DST: variants seen among roughly 807,000 people sequenced by gnomAD.
DST encodes dystonin, also known as bullous pemphigoid antigen.
A neutral mutation model predicts 875.2 loss-of-function variants in DST; 253 were observed. That is an observed-to-expected ratio of 0.29 (90% CI 0.26 to 0.32). DST has a LOEUF of 0.32. Among genes scored for constraint, DST ranks in the 10% least tolerant of loss-of-function variants. DST has a pLI of 1.00. For missense variants in DST, 8,287 were observed against 9,111.6 expected (o/e 0.91, Z 3.68); for synonymous variants, 3,124 against 3,197.1 (o/e 0.98, Z 0.77).
Position 56,555,693 on chromosome 6 carries a change from T to C in DST, c.14788A>G (p.Ser4930Gly). The part of the protein sequence containing the change: ...QLAAVTQKWD[S>G]LTGQLSDRCD... Reference sequence around the variant, plus strand: ...CTGTCACTCAATTGCCCTGTTAGGCTATCCCATTTTTGGGTCACAGCTGCC... The same window carrying C: ...CTGTCACTCAATTGCCCTGTTAGGCCATCCCATTTTTGGGTCACAGCTGCC... Residue 4930 changes from serine (S) to glycine (G), a missense_variant, in exon 60 of 104, where the codon AGC (serine) becomes GGC (glycine). Physicochemically the swap from Ser to Gly is moderately conservative, Grantham distance 56. This residue lies in a region of DST where 1,513 missense variants were observed against 1,677.8 expected (regional missense o/e 0.90). Transcript: ENST00000680361. The C allele has an allele frequency of 6.2e-7, 1 of 1,612,338 alleles. No individual in the cohort carries two copies.
chr6:56,516,198 GGAGAAA>G (rs1294259206), intron 71 of DST, among the ~76,000 whole-genome samples: 42 of 90,614 alleles, frequency 4.6e-4, no homozygotes, highest in African/African-American at 2.1e-3. Context: ...AGAAAGAGAA[GGAGAAA>G]GAGAAAGAGG....
intron 2 of DST, among the ~76,000 whole-genome samples, chr6:56,922,607 T>C (rs1804874001): frequency 6.6e-6 from 1 of 152,014 alleles, no homozygotes; most frequent in Admixed American, 6.6e-5. Context: ...TTTTTTTGCC[T>C]TAGAGCAAGC....
intron 49 of DST, among the ~76,000 whole-genome samples, chr6:56,580,318 G>A (rs1030139471): frequency 1.3e-5 from 2 of 152,046 alleles, no homozygotes; most frequent in African/African-American, 4.8e-5. Flanking sequence ...AGGCCAACTT[G>A]GGAGGATCAC....
At chr6:56,743,176 A>G (rs2099553823) in intron 4 of DST, among the ~76,000 whole-genome samples, 1 of 152,218 alleles carries the variant, frequency 6.6e-6, no homozygotes, top group Non-Finnish European at 1.5e-5. Context: ...CTAAACAAGC[A>G]AAAGACAAAC....
chr6:56,577,875 A>G (rs899148641), intron 50 of DST, among the ~76,000 whole-genome samples: 1 of 152,210 alleles, frequency 6.6e-6, no homozygotes, highest in African/African-American at 2.4e-5. Context: ...GGTTAGATAG[A>G]AAGATAATAT....
At chr6:56,564,783 G>T (rs878876088) in intron 55 of DST, among the ~76,000 whole-genome samples, 1 of 152,068 alleles carries the variant, frequency 6.6e-6, no homozygotes, top group Non-Finnish European at 1.5e-5. Flanking sequence ...TAGCATGGAG[G>T]GTTGAATGTT....
chr6:56,729,694 C>T (rs2099488932), intron 5 of DST, among the ~76,000 whole-genome samples: 1 of 151,824 alleles, frequency 6.6e-6, no homozygotes, highest in African/African-American at 2.4e-5. Context: ...GTCAAAACCA[C>T]AGAGGAAATA....
intron 5 of DST, among the ~76,000 whole-genome samples, chr6:56,729,672 C>G (rs1046990988): frequency 6.6e-6 from 1 of 151,588 alleles, no homozygotes; most frequent in African/African-American, 2.4e-5. Context: ...TATTCTCGAT[C>G]ACTTTGCAAT....
intron 2 of DST, among the ~76,000 whole-genome samples, chr6:56,924,570 T>G (rs1208613597): frequency 6.6e-6 from 1 of 152,200 alleles, no homozygotes; most frequent in Non-Finnish European, 1.5e-5. Flanking sequence ...ATACAAGCAA[T>G]TATATTGGTT....
chr6:56,516,588 G>A (rs2096599873), intron 71 of DST, among the ~76,000 whole-genome samples: 1 of 151,948 alleles, frequency 6.6e-6, no homozygotes, highest in South Asian at 2.1e-4. Flanking sequence ...GCCATGCATG[G>A]GATATCTTTC....
At chr6:56,744,606 T>A (rs1205371111) in intron 4 of DST, among the ~76,000 whole-genome samples, 1 of 152,142 alleles carries the variant, frequency 6.6e-6, no homozygotes, top group African/African-American at 2.4e-5. Flanking sequence ...AGATGGACAA[T>A]GGATGGTTGG....
chr6:56,924,328 T>C (rs895485566), intron 2 of DST, among the ~76,000 whole-genome samples: 1 of 152,148 alleles, frequency 6.6e-6, no homozygotes, highest in Non-Finnish European at 1.5e-5. Context: ...CTAGCTGATA[T>C]AGCTCCCTAT....
intron 63 of DST, among the ~76,000 whole-genome samples, chr6:56,533,245 T>C (rs957108444): frequency 6.6e-6 from 1 of 152,256 alleles, no homozygotes; most frequent in South Asian, 2.1e-4. Context: ...ATGAAATGTT[T>C]GCTATAATTA....
chr6:56,517,689 T>G, intron 69 of DST, 69 bp from the exon 70 acceptor site: 1 of 1,509,522 alleles, frequency 6.6e-7, no homozygotes, highest in South Asian at 1.3e-5. Flanking sequence ...CTATCTACAG[T>G]TCTTTGAAAT....
rs1185994786 is a variant in DST, at chr6:56,557,427, T to C, written c.14532A>G (p.Val4844=). ...CAAGCCACTGTTTCAATTGGGCCTCTACAGTCTGGAACTGGGTTAGATTAT... is the reference window on the plus strand; with the variant it reads ...CAAGCCACTGTTTCAATTGGGCCTCCACAGTCTGGAACTGGGTTAGATTAT... ...SSNNLTQFQT[V]EAQLKQWLVE... The change falls in exon 59 of 104, where the codon GTA becomes GTG. Residue 4844 remains valine, a synonymous_variant. Coordinates refer to ENST00000680361, the MANE Select transcript of DST (RefSeq NM_001374736.1). 17 of 1,613,686 alleles carry C rather than the reference T, an allele frequency of 1.1e-5. No homozygotes were observed. The highest frequency in any genetic ancestry group is 1.4e-5 in the Non-Finnish European group (17 of 1,179,738).
Position 56,634,859 on chromosome 6 carries a change from T to C in DST, c.3281A>G (p.Asp1094Gly). ...CGGAATAGAAGTTTTGAGTGGACAG[T>C]CAGAATTCCTTGGCTTCAGTTGAAT... ...TIIQLKPRNS[D>G]CPLKTSIPIK... The change falls in exon 25 of 104, where the codon GAC becomes GGC. Residue 1094 changes from aspartate (D) to glycine (G), a missense_variant. Asp to Gly is a moderately conservative substitution (Grantham distance 94). Transcript: ENST00000680361. The C allele has an allele frequency of 6.2e-7, 1 of 1,614,014 alleles. No individual in the cohort carries two copies. Among genetic ancestry groups the C allele is most frequent in the Non-Finnish European group, 8.5e-7 (1 of 1,179,978 alleles).
chr6:56,482,615 A>C (rs2095438157), intron 89 of DST, 68 bp downstream of exon 89: 2 of 1,499,366 alleles, frequency 1.3e-6, no homozygotes, highest in Non-Finnish European at 1.8e-6. Flanking sequence ...ATTTTTTACT[A>C]GAATAGTTCT....
intron 3 of DST, among the ~76,000 whole-genome samples, chr6:56,888,739 T>C (rs1322226837): frequency 6.6e-6 from 1 of 152,188 alleles, no homozygotes; most frequent in African/African-American, 2.4e-5. Flanking sequence ...TTATTACAAA[T>C]TAAAGCTATA....
chr6:56,780,060 A>G (rs374038741), intron 4 of DST, among the ~76,000 whole-genome samples: 1 of 151,422 alleles, frequency 6.6e-6, no homozygotes, highest in Non-Finnish European at 1.5e-5. Context: ...TGAACTCATC[A>G]TTTTTTATGG....
Sources: allele counts gnomAD v4.1 joint callset (sites outside exome capture counted in the v4.1 genomes callset), GRCh38; gene constraint gnomAD v4.1.1; regional missense constraint gnomAD v4.1.1; transcripts MANE v1.5; gene names NCBI Gene and HGNC (gene_info 2026-07-23, HGNC 2026-07-21).